Variants in HECW1 observed in about 807,000 individuals in gnomAD.
HECW1 encodes the protein HECT, C2 and WW domain containing E3 ubiquitin protein ligase 1.
HECW1 carries 61 observed loss-of-function variants against 182.3 expected under a neutral mutation model. The observed-to-expected ratio is 0.33, with a 90% CI of 0.27 to 0.41. HECW1 has a LOEUF of 0.41. Among genes scored for constraint, HECW1 ranks in the 10% least tolerant of loss-of-function variants. HECW1 has a pLI of 1.00. For missense variants in HECW1, 1,739 were observed against 2,108.9 expected (o/e 0.82, Z 3.44); for synonymous variants, 859 against 832.6 (o/e 1.03, Z -0.55).
intron 2 of HECW1, among the ~76,000 whole-genome samples, chr7:43,216,992 C>T (rs903911637): frequency 2.0e-5 from 3 of 152,124 alleles, no homozygotes; most frequent in Admixed American, 6.5e-5. Flanking sequence ...CCAGAGGGAC[C>T]AGCTGTCAAG....
At chr7:43,252,457 C>G (rs1370207642) in intron 3 of HECW1, among the ~76,000 whole-genome samples, 4 of 152,228 alleles carry the variant, frequency 2.6e-5, no homozygotes, top group African/African-American at 9.6e-5. Flanking sequence ...TCCAGAAATG[C>G]TGAATCAATA....
chr7:43,559,321 C>T (rs943835077), intron 29 of HECW1, among the ~76,000 whole-genome samples: 2 of 151,702 alleles, frequency 1.3e-5, no homozygotes, highest in Admixed American at 1.3e-4. Context: ...ATCTCCAAAA[C>T]ATCCATCGCA....
intron 2 of HECW1, among the ~76,000 whole-genome samples, chr7:43,216,848 T>G (rs2152699598): frequency 6.6e-6 from 1 of 152,068 alleles, no homozygotes; most frequent in African/African-American, 2.4e-5. Flanking sequence ...AAAGACGGGG[T>G]TTCACCATGT....
chr7:43,434,602 C>T (rs578109494), intron 8 of HECW1, among the ~76,000 whole-genome samples: 3 of 152,228 alleles, frequency 2.0e-5, no homozygotes, highest in Non-Finnish European at 4.4e-5. Flanking sequence ...CAGACTTTTA[C>T]ATTTTCAGGA....
chr7:43,369,855 G>A (rs1817115663), intron 6 of HECW1, among the ~76,000 whole-genome samples: 1 of 152,166 alleles, frequency 6.6e-6, no homozygotes, highest in Admixed American at 6.5e-5. Context: ...AAACGAAATG[G>A]ATGAGTTCAC....
chr7:43,289,787 A>G (rs1805153891), intron 3 of HECW1, among the ~76,000 whole-genome samples: 1 of 152,210 alleles, frequency 6.6e-6, no homozygotes, highest in Non-Finnish European at 1.5e-5. Context: ...TTTTAGGGAG[A>G]CAGGAGTTAC....
At chr7:43,295,297 A>G (rs1246875087) in intron 3 of HECW1, among the ~76,000 whole-genome samples, 1 of 152,100 alleles carries the variant, frequency 6.6e-6, no homozygotes, top group Non-Finnish European at 1.5e-5. Flanking sequence ...CTTTTTTATA[A>G]TTGTGAGGGG....
chr7:43,451,095 G>A (rs1344089047), intron 12 of HECW1, among the ~76,000 whole-genome samples, 166 bp downstream of exon 12: 1 of 152,132 alleles, frequency 6.6e-6, no homozygotes, highest in South Asian at 2.1e-4. Context: ...TTTTTTGGGG[G>A]TTTTTAGTTT....
At chr7:43,207,191 T>G (rs1449157291) in intron 2 of HECW1, among the ~76,000 whole-genome samples, 2 of 152,050 alleles carry the variant, frequency 1.3e-5, no homozygotes, top group Admixed American at 6.6e-5. Context: ...GGATTACAGG[T>G]GCATGCCACC....
chr7:43,496,863 G>A lies in HECW1; in HGVS notation c.3437+3683G>A, dbSNP rs74395640. Among the ~76,000 whole-genome samples, 869 of 152,296 alleles carry A rather than the reference G, an allele frequency of 5.7e-3. 8 individuals carry two copies. Among genetic ancestry groups the A allele is most frequent in the Non-Finnish European group, 7.4e-3 (503 of 68,030 alleles). On this transcript the variant is annotated intron_variant, in intron 19 of 29. Transcript: ENST00000395891. ...TCTGTTATCTTCAAGGGGCATGGAG[G>A]TGGTCCTTCAACTAGTGCTTTGATT...
At chr7:43,205,727 C>T (rs1795412674) in intron 2 of HECW1, among the ~76,000 whole-genome samples, 1 of 152,190 alleles carries the variant, frequency 6.6e-6, no homozygotes, top group Non-Finnish European at 1.5e-5. Context: ...CTAATAGGTT[C>T]TCCTCAGTTT....
At chr7:43,268,405 C>T (rs1049536502) in intron 3 of HECW1, among the ~76,000 whole-genome samples, 6 of 152,206 alleles carry the variant, frequency 3.9e-5, no homozygotes, top group Non-Finnish European at 7.3e-5. Flanking sequence ...CCTGTGAAAC[C>T]TTTAACCCAG....
chr7:43,460,873 C>T (rs1438795572), intron 13 of HECW1, among the ~76,000 whole-genome samples: 1 of 152,202 alleles, frequency 6.6e-6, no homozygotes, highest in Non-Finnish European at 1.5e-5. Flanking sequence ...GGATTTGAGG[C>T]TGTTGACTCA....
At chr7:43,262,264 G>GTGTGTGTGTGTA (rs774635031) in intron 3 of HECW1, among the ~76,000 whole-genome samples, 1 of 151,646 alleles carries the variant, frequency 6.6e-6, no homozygotes, top group Non-Finnish European at 1.5e-5. Context: ...GTGTGTGTGT[G>GTGTGTGTGTGTA]TATAACCTAA....
At chr7:43,315,804 A>G (rs1809170295) in intron 4 of HECW1, among the ~76,000 whole-genome samples, 1 of 152,088 alleles carries the variant, frequency 6.6e-6, no homozygotes, top group Non-Finnish European at 1.5e-5. Flanking sequence ...CTGTCCCATT[A>G]TTTAGTGAAG....
chr7:43,428,155 T>A (rs916336736), intron 8 of HECW1, among the ~76,000 whole-genome samples: 2 of 152,226 alleles, frequency 1.3e-5, no homozygotes, highest in Non-Finnish European at 2.9e-5. Context: ...CCACACCAGA[T>A]GAAAAGTTTC....
chr7:43,488,468 G>GAAAGAAAGAA (rs2078789457), intron 17 of HECW1, among the ~76,000 whole-genome samples: 3 of 147,774 alleles, frequency 2.0e-5, no homozygotes, highest in Non-Finnish European at 3.0e-5. Flanking sequence ...AAGAAAGAAA[G>GAAAGAAAGAA]AAAGAAAGAA....
intron 10 of HECW1, among the ~76,000 whole-genome samples, chr7:43,443,721 A>G (rs6950232): frequency 0.35 from 53,669 of 152,104 alleles, 9,889 homozygotes; most frequent in South Asian, 0.44. Flanking sequence ...GATTGTTCCT[A>G]TTCTTCATCC....
chr7:43,215,836 T>C, intron 2 of HECW1, among the ~76,000 whole-genome samples: 1 of 152,192 alleles, frequency 6.6e-6, no homozygotes, highest in East Asian at 1.9e-4. Context: ...AGGAGTTAGG[T>C]CAACATCCTC....
Sources: allele counts gnomAD v4.1 joint callset (sites outside exome capture counted in the v4.1 genomes callset), GRCh38; gene constraint gnomAD v4.1.1; transcripts MANE v1.5; gene names NCBI Gene and HGNC (gene_info 2026-07-23, HGNC 2026-07-21).